The following CDH18 variants were observed in gnomAD, a reference collection of about 807,000 sequenced individuals.
CDH18 encodes cadherin 18, also known as cadherin-18.
In CDH18, 31 loss-of-function variants were observed where a neutral mutation model predicts 67.9. The observed-to-expected ratio is 0.46, with a 90% CI of 0.34 to 0.62. The LOEUF is 0.62. Among genes scored for constraint, CDH18 ranks in the 20% least tolerant of loss-of-function variants. The pLI is 0.01. For synonymous variants in CDH18, 362 were observed against 347.2 expected (o/e 1.04, Z -0.48); for missense variants, 890 against 975.5 (o/e 0.91, Z 1.17).
chr5:19,708,501 G>A (rs1764248539), intron 5 of CDH18, among the ~76,000 whole-genome samples: 1 of 151,982 alleles, frequency 6.6e-6, no homozygotes, highest in Non-Finnish European at 1.5e-5. Flanking sequence ...CCATAAACAG[G>A]CCCCAAAACT....
At chr5:19,792,671 G>A (rs1191595030) in intron 3 of CDH18, among the ~76,000 whole-genome samples, 1 of 152,094 alleles carries the variant, frequency 6.6e-6, no homozygotes, top group Non-Finnish European at 1.5e-5. Flanking sequence ...GCTTTTAGAA[G>A]TATTGTCATT....
intron 2 of CDH18, among the ~76,000 whole-genome samples, chr5:20,116,873 T>C (rs941357841): frequency 6.6e-6 from 1 of 152,098 alleles, no homozygotes; most frequent in Non-Finnish European, 1.5e-5. Context: ...TCCAGAAAAA[T>C]CCATGTGGAT....
At chr5:19,997,857 T>C (rs1364690603) in intron 2 of CDH18, among the ~76,000 whole-genome samples, 3 of 152,018 alleles carry the variant, frequency 2.0e-5, no homozygotes, top group Non-Finnish European at 4.4e-5. Context: ...TCATCTTGAG[T>C]AGGTAGAGAA....
chr5:19,651,176 A>C (rs1050333910), intron 5 of CDH18, among the ~76,000 whole-genome samples: 3 of 152,022 alleles, frequency 2.0e-5, no homozygotes, highest in Non-Finnish European at 2.9e-5. Flanking sequence ...CATAGGTTCA[A>C]GTTTTTTAGG....
chr5:20,430,373 TTAAGA>T (rs931919812), intron 1 of CDH18, among the ~76,000 whole-genome samples: 4 of 152,030 alleles, frequency 2.6e-5, no homozygotes, highest in Non-Finnish European at 5.9e-5. Flanking sequence ...TAAACTGAAG[TTAAGA>T]TGAGTGAAGT....
chr5:19,644,513 T>G (rs1399971977), intron 5 of CDH18, among the ~76,000 whole-genome samples: 1 of 152,194 alleles, frequency 6.6e-6, no homozygotes, highest in African/African-American at 2.4e-5. Context: ...GTGAATGGAA[T>G]GTAGATAATT....
At chr5:19,718,698 A>ATCCATAGGT (rs1357311809) in intron 5 of CDH18, among the ~76,000 whole-genome samples, 1 of 152,018 alleles carries the variant, frequency 6.6e-6, no homozygotes, top group Non-Finnish European at 1.5e-5. Context: ...TAGGACAGAT[A>ATCCATAGGT]TCCATAGGTT....
intron 2 of CDH18, among the ~76,000 whole-genome samples, chr5:20,237,398 A>G (rs1742559594): frequency 1.3e-5 from 2 of 151,944 alleles, no homozygotes; most frequent in African/African-American, 2.4e-5. Flanking sequence ...ATTTTTTTCC[A>G]CAGGTGAAAT....
rs78355927 is a variant in CDH18, at chr5:20,198,842, T to C, written c.-518+56602A>G. On this transcript the variant is annotated intron_variant, in intron 2 of 14. Coordinates refer to the CDH18 transcript ENST00000507958. ...CCCTGTGACCCAGTTGCTCCAGCTG[T>C]GGCTAAAAGGGGCCAAGGTATAGCC... is the stretch of plus-strand genomic sequence containing the variant. Among the ~76,000 whole-genome samples, 328 of 152,298 alleles carry C rather than the reference T, an allele frequency of 2.2e-3. 6 individuals are homozygous for C. The East Asian group carries it at 0.057, about 26-fold the overall frequency.
At chr5:19,759,346 A>G (rs1772036722) in intron 3 of CDH18, among the ~76,000 whole-genome samples, 1 of 152,276 alleles carries the variant, frequency 6.6e-6, no homozygotes, top group Admixed American at 6.5e-5. Context: ...CAGGGATGCA[A>G]TATTTTCTTC....
intron 1 of CDH18, among the ~76,000 whole-genome samples, chr5:20,569,442 G>A (rs1266364472): frequency 6.6e-6 from 1 of 152,058 alleles, no homozygotes; most frequent in Non-Finnish European, 1.5e-5. Context: ...CCAATATGGG[G>A]AAACCCCATC....
rs560451719 is a variant in CDH18 at position 20,059,541 on chromosome 5, G to T, written c.-517-67527C>A. Among the ~76,000 whole-genome samples, 3 of 152,204 alleles carry T rather than the reference G, an allele frequency of 2.0e-5. No homozygotes were observed. The East Asian group carries it at 5.8e-4, about 29-fold the overall frequency. On this transcript the variant is annotated intron_variant, in intron 2 of 14. Coordinates refer to the CDH18 transcript ENST00000507958. The stretch of plus-strand genomic sequence containing the variant: ...TTACATTGTGTCTTTGTTCTCATTG[G>T]TTTGACAGTGTGGCAATTCCTCAAG...
chr5:19,574,776 C>G (rs1742037170), intron 7 of CDH18, among the ~76,000 whole-genome samples: 1 of 152,022 alleles, frequency 6.6e-6, no homozygotes, highest in Non-Finnish European at 1.5e-5. Context: ...GGCACGGTGC[C>G]TCATGCTTGT....
At chr5:19,952,744 A>G (rs1795921620) in intron 2 of CDH18, among the ~76,000 whole-genome samples, 1 of 152,192 alleles carries the variant, frequency 6.6e-6, no homozygotes, top group Non-Finnish European at 1.5e-5. Context: ...CTATAGTTCA[A>G]GACATTCAAT....
intron 1 of CDH18, among the ~76,000 whole-genome samples, chr5:20,322,315 CAAT>C (rs1447794028): frequency 6.6e-6 from 1 of 152,020 alleles, no homozygotes; most frequent in Non-Finnish European, 1.5e-5. Context: ...TTGCCATCCA[CAAT>C]AAAAGAGAAT....
chr5:19,744,052 C>T (rs188055112), intron 4 of CDH18, among the ~76,000 whole-genome samples: 1 of 151,056 alleles, frequency 6.6e-6, no homozygotes, highest in African/African-American at 2.4e-5. Context: ...GTTACAATAT[C>T]TATTATATGT....
intron 2 of CDH18, among the ~76,000 whole-genome samples, chr5:20,068,003 C>T (rs937546771): frequency 6.6e-6 from 1 of 152,014 alleles, no homozygotes; most frequent in Non-Finnish European, 1.5e-5. Flanking sequence ...AGCCTTGTCC[C>T]TTTCCTTTTG....
chr5:20,242,333 A>G (rs1742991582), intron 2 of CDH18, among the ~76,000 whole-genome samples: 1 of 151,618 alleles, frequency 6.6e-6, no homozygotes, highest in South Asian at 2.1e-4. Context: ...GAAATATACA[A>G]TGCATTATTA....
intron 1 of CDH18, among the ~76,000 whole-genome samples, chr5:20,545,371 A>AT (rs1468982033): frequency 6.6e-5 from 10 of 152,188 alleles, no homozygotes; most frequent in Admixed American, 2.0e-4. Context: ...CCAAACCCAC[A>AT]TTTTCCCTCT....
Sources: allele counts gnomAD v4.1 joint callset (sites outside exome capture counted in the v4.1 genomes callset), GRCh38; gene constraint gnomAD v4.1.1; transcripts MANE v1.5; gene names NCBI Gene and HGNC (gene_info 2026-07-23, HGNC 2026-07-21).